The following AGPS variants were observed in gnomAD, a reference collection of about 807,000 sequenced individuals.
AGPS encodes alkylglycerone phosphate synthase, also known as alkyldihydroxyacetonephosphate synthase, peroxisomal.
In AGPS, 26 loss-of-function variants were observed where a neutral mutation model predicts 90.7. The observed-to-expected ratio is 0.29, with a 90% CI of 0.21 to 0.40. The LOEUF is 0.40. AGPS is among the 10% of genes least tolerant of loss of function. AGPS has a pLI of 1.00. For missense variants in AGPS, 540 were observed against 816.1 expected (o/e 0.66, Z 4.12); for synonymous variants, 294 against 285.3 (o/e 1.03, Z -0.31).
chr2:177,424,782 C>T (rs1293312899), intron 2 of AGPS, among the ~76,000 whole-genome samples: 4 of 152,040 alleles, frequency 2.6e-5, no homozygotes, highest in Non-Finnish European at 2.9e-5. Context: ...GCCATTCTGA[C>T]GTGAGGTGGT....
chr2:177,505,377 A>G, intron 14 of AGPS, 129 bp from the exon 15 acceptor site: 2 of 815,694 alleles, frequency 2.5e-6, no homozygotes, highest in East Asian at 5.4e-5. Flanking sequence ...AATTAAGATG[A>G]AACAGAAATA....
At chr2:177,395,660 A>G (rs1559028677) in intron 1 of AGPS, among the ~76,000 whole-genome samples, 1 of 152,236 alleles carries the variant, frequency 6.6e-6, no homozygotes, top group South Asian at 2.1e-4. Flanking sequence ...AAGGAACCAC[A>G]GTATATATCT....
chr2:177,445,971 T>C (rs1482850110), intron 8 of AGPS, among the ~76,000 whole-genome samples: 3 of 151,966 alleles, frequency 2.0e-5, no homozygotes, highest in Admixed American at 6.5e-5. Context: ...TGGGAACGAG[T>C]TGGGCAAAGA....
chr2:177,495,910 T>G (rs1347267393), intron 12 of AGPS, among the ~76,000 whole-genome samples: 1 of 87,468 alleles, frequency 1.1e-5, no homozygotes, highest in Non-Finnish European at 2.1e-5. Context: ...ACAGTGAGAC[T>G]CTGTCTCAAA....
At chr2:177,504,603 T>C (rs937432468) in intron 14 of AGPS, among the ~76,000 whole-genome samples, 3 of 152,158 alleles carry the variant, frequency 2.0e-5, no homozygotes, top group Admixed American at 6.5e-5. Flanking sequence ...TTACAGTATT[T>C]GTACAGAACA....
At chr2:177,523,693 C>G in intron 18 of AGPS, 55 bp from the exon 19 acceptor site, 1 of 1,507,290 alleles carries the variant, frequency 6.6e-7, no homozygotes, top group Non-Finnish European at 9.2e-7. Flanking sequence ...CTTTTTCTTT[C>G]ACTGCAAAAT....
At chr2:177,519,216 T>G (rs1195557454) in intron 17 of AGPS, among the ~76,000 whole-genome samples, 1 of 152,114 alleles carries the variant, frequency 6.6e-6, no homozygotes, top group African/African-American at 2.4e-5. Context: ...GATGTCTAGC[T>G]TTTTTTACTC....
At chr2:177,501,887 C>T (rs982380430) in intron 14 of AGPS, among the ~76,000 whole-genome samples, 5 of 152,202 alleles carry the variant, frequency 3.3e-5, no homozygotes, top group East Asian at 3.9e-4. Context: ...AGGCTGGTCT[C>T]GAACTCCTGA....
chr2:177,419,094 A>G (rs1349345230), intron 1 of AGPS, among the ~76,000 whole-genome samples: 1 of 151,884 alleles, frequency 6.6e-6, no homozygotes, highest in East Asian at 1.9e-4. Flanking sequence ...TCTTAATTTT[A>G]TGTATAGATG....
At chr2:177,532,884 G>T (rs1426424635) in intron 19 of AGPS, among the ~76,000 whole-genome samples, 3 of 152,078 alleles carry the variant, frequency 2.0e-5, no homozygotes, top group African/African-American at 7.2e-5. Context: ...CATCCCAAAA[G>T]GTTACATACT....
At chr2:177,416,322 C>T (rs957003271) in intron 1 of AGPS, among the ~76,000 whole-genome samples, 18 of 152,126 alleles carry the variant, frequency 1.2e-4, no homozygotes, top group African/African-American at 4.3e-4. Flanking sequence ...TGAATATGTA[C>T]ATCATGTACA....
chr2:177,412,794 T>C (rs1685657146), intron 1 of AGPS, among the ~76,000 whole-genome samples: 1 of 152,140 alleles, frequency 6.6e-6, no homozygotes, highest in African/African-American at 2.4e-5. Flanking sequence ...GTGAGTGTTA[T>C]AGCTCTATTA....
chr2:177,490,351 G>C (rs1391758904), intron 11 of AGPS, among the ~76,000 whole-genome samples: 2 of 152,066 alleles, frequency 1.3e-5, no homozygotes, highest in African/African-American at 4.8e-5. Context: ...TAAGCATTTA[G>C]TTATGACAAT....
intron 11 of AGPS, among the ~76,000 whole-genome samples, chr2:177,487,977 A>G (rs1431260386): frequency 6.6e-6 from 1 of 152,150 alleles, no homozygotes; most frequent in Non-Finnish European, 1.5e-5. Context: ...CCAAGCAACA[A>G]TTGACTTGTC....
rs121434411 is a variant in AGPS at position 177,493,170 on chromosome 2, G to A, written c.1256G>A (p.Arg419His). 6.2e-7 allele frequency: 1 copy of A among 1,612,564 alleles called. No individual in the cohort carries two copies. The highest frequency in any genetic ancestry group is 8.5e-7 in the Non-Finnish European group (1 of 1,179,514). The change falls in exon 12 of 20, where the codon CGC becomes CAC. Residue 419 changes from arginine (R) to histidine (H), a missense_variant. Arg to His is a conservative substitution (Grantham distance 29). Coordinates refer to ENST00000264167, the MANE Select transcript of AGPS (RefSeq NM_003659.4). ...AKQRCAPASI[R>H]LMDNKQFQFG... ...CAGAGATGTGCTCCGGCATCTATTC[G>A]CCTCATGGACAACAAGCAGTTTCAG... is the stretch of plus-strand genomic sequence containing the variant.
chr2:177,412,593 C>T lies in AGPS; in HGVS notation c.261-7676C>T, dbSNP rs115854335. On this transcript the variant is annotated intron_variant, in intron 1 of 19. Coordinates refer to ENST00000264167, the MANE Select transcript of AGPS (RefSeq NM_003659.4). ...TCTGATTCTAAGGAAGGATAGCAAG[C>T]GAAAGTAGTCCAATATTACTCACCG... is the stretch of plus-strand genomic sequence containing the variant. 4.0e-3 allele frequency among the ~76,000 whole-genome samples: 612 copies of T among 152,172 alleles called. 5 individuals carry two copies. The highest frequency in any genetic ancestry group is 0.011 in the African/African-American group (467 of 41,522).
intron 1 of AGPS, among the ~76,000 whole-genome samples, chr2:177,411,570 A>G (rs1685621163): frequency 6.6e-6 from 1 of 152,184 alleles, no homozygotes; most frequent in Non-Finnish European, 1.5e-5. Flanking sequence ...GAGATCGCCA[A>G]ACTCTCAGGT....
At chr2:177,502,881 C>CT (rs1256159314) in intron 14 of AGPS, among the ~76,000 whole-genome samples, 1 of 3,880 alleles carries the variant, frequency 2.6e-4, no homozygotes, top group Non-Finnish European at 5.5e-4. Flanking sequence ...ACTCTTCCCA[C>CT]CTCAATCCTC....
intron 12 of AGPS, among the ~76,000 whole-genome samples, chr2:177,495,940 A>C (rs1309462542): frequency 1.5e-5 from 2 of 129,914 alleles, no homozygotes; most frequent in Non-Finnish European, 3.3e-5. Context: ...AAAAAAAAAC[A>C]AACCCACAAT....
Sources: gnomAD v4.1 joint callset for allele counts (sites outside exome capture counted in the v4.1 genomes callset) on GRCh38, gnomAD v4.1.1 for gene constraint, MANE v1.5 for transcripts, NCBI Gene and HGNC (gene_info 2026-07-23, HGNC 2026-07-21) for gene names.